PRKCE: variants seen among roughly 807,000 people sequenced by gnomAD.
PRKCE encodes protein kinase C epsilon type.
In PRKCE, 16 loss-of-function variants were observed where a neutral mutation model predicts 85.4. The ratio of observed to expected loss-of-function variants is 0.19; its 90% CI spans 0.13 to 0.28. PRKCE has a LOEUF of 0.28. Ranked by LOEUF, PRKCE falls within the 10% of genes least tolerant of loss-of-function variation. The probability of loss-of-function intolerance (pLI) is 1.00; values close to 1 mark genes in which losing one functional copy is unlikely to be tolerated. For missense variants in PRKCE, 573 were observed against 975.2 expected, an observed-to-expected ratio of 0.59 and a Z score of 5.49; for synonymous variants, 388 against 371.5, an observed-to-expected ratio of 1.04 and a Z score of -0.51.
intron 1 of PRKCE, among the ~76,000 whole-genome samples, chr2:45,800,150 G>A (rs573831166): frequency 8.5e-5 from 13 of 152,332 alleles, no homozygotes; most frequent in Admixed American, 2.6e-4. Context: ...AGTGCCCAGC[G>A]GCTGGATACT....
At chr2:45,891,575 C>A (rs997155077) in intron 2 of PRKCE, among the ~76,000 whole-genome samples, 3 of 152,204 alleles carry the variant, frequency 2.0e-5, no homozygotes, top group Non-Finnish European at 4.4e-5. Context: ...GTGGGCCACA[C>A]ACCTAAACAG....
Position 45,895,187 on chromosome 2 carries a change from G to A in PRKCE, c.412+52124G>A, listed in dbSNP as rs1286422695. ...AGGAAGGAAGTTTTTTTCAGGCGGAGTGGGTTGGATGAGGCACATGTTTCT... is the reference window on the plus strand; with the variant it reads ...AGGAAGGAAGTTTTTTTCAGGCGGAATGGGTTGGATGAGGCACATGTTTCT... On this transcript the variant is annotated intron_variant, in intron 2 of 14. Transcript: ENST00000306156. The surrounding 1 kb of genome is among the most constrained non-coding windows in gnomAD (Gnocchi z 4.8). Among the ~76,000 whole-genome samples the A allele has an allele frequency of 6.6e-6, 1 of 152,102 alleles. No homozygotes were observed.
intron 10 of PRKCE, among the ~76,000 whole-genome samples, chr2:46,083,145 T>A (rs926371147): frequency 6.6e-6 from 1 of 152,176 alleles, no homozygotes; most frequent in Non-Finnish European, 1.5e-5. Context: ...TAGACAGGGT[T>A]TCGCCATGTT....
intron 11 of PRKCE, among the ~76,000 whole-genome samples, chr2:46,117,333 A>G (rs556000128): frequency 6.6e-6 from 1 of 152,328 alleles, no homozygotes; most frequent in African/African-American, 2.4e-5. Flanking sequence ...ATTTGACTAC[A>G]TAGTCTCTTT....
rs1708205769 is a variant in PRKCE, at chr2:46,041,378, A to G, written c.1437+30861A>G. Among the ~76,000 whole-genome samples the G allele has an allele frequency of 6.6e-6, 1 of 152,246 alleles. No homozygotes were observed. The highest frequency in any genetic ancestry group is 2.4e-5 in the African/African-American group (1 of 41,466). On this transcript the variant is annotated intron_variant, in intron 10 of 14. Transcript: ENST00000306156. The surrounding 1 kb of genome is among the most constrained non-coding windows in gnomAD (Gnocchi z 5.5). ...TGATTTTCTTAAGTCATGTATATTTATAGAGCCACATACACCTGTTAGACA... is the reference window on the plus strand; with the variant it reads ...TGATTTTCTTAAGTCATGTATATTTGTAGAGCCACATACACCTGTTAGACA...
intron 2 of PRKCE, among the ~76,000 whole-genome samples, chr2:45,873,252 G>T (rs1410647474): frequency 6.6e-6 from 1 of 152,174 alleles, no homozygotes; most frequent in Non-Finnish European, 1.5e-5. Context: ...GGTAAAGCAG[G>T]AAGACCAGAA....
At chr2:45,749,038 C>A (rs981433927) in intron 1 of PRKCE, among the ~76,000 whole-genome samples, 1 of 152,106 alleles carries the variant, frequency 6.6e-6, no homozygotes, top group African/African-American at 2.4e-5. Flanking sequence ...TATAGGCATG[C>A]ACCACCATGC....
intron 1 of PRKCE, among the ~76,000 whole-genome samples, chr2:45,784,643 TAAAC>T (rs1294266923): frequency 6.6e-6 from 1 of 152,164 alleles, no homozygotes; most frequent in Non-Finnish European, 1.5e-5. Flanking sequence ...TGTTTTTTTT[TAAAC>T]AAACCTTTTT....
At chr2:45,668,130 C>T (rs140924213) in intron 1 of PRKCE, among the ~76,000 whole-genome samples, 2,230 of 152,246 alleles carry the variant, frequency 0.015, 28 homozygotes, top group Non-Finnish European at 0.021. Flanking sequence ...CACTTGAGGT[C>T]AGGAGTTCGA....
chr2:45,826,618 A>C (rs1290420743), intron 1 of PRKCE, among the ~76,000 whole-genome samples: 1 of 152,048 alleles, frequency 6.6e-6, no homozygotes, highest in Non-Finnish European at 1.5e-5. Flanking sequence ...CGAACTTCAG[A>C]TCTGTAGATG....
At chr2:45,845,765 G>GT (rs1691737739) in intron 2 of PRKCE, 1 of 152,174 alleles carries the variant, frequency 6.6e-6, no homozygotes, top group African/African-American at 2.4e-5. Flanking sequence ...TGCATGTCCT[G>GT]TGCAGTTCAC....
chr2:46,160,525 T>G (rs1235969552), intron 14 of PRKCE, among the ~76,000 whole-genome samples: 1 of 152,210 alleles, frequency 6.6e-6, no homozygotes, highest in African/African-American at 2.4e-5. Context: ...GTTGAAGCAA[T>G]CAATCATTCA....
At chr2:46,166,482 C>T (rs901020176) in intron 14 of PRKCE, among the ~76,000 whole-genome samples, 2 of 152,206 alleles carry the variant, frequency 1.3e-5, no homozygotes, top group African/African-American at 4.8e-5. Flanking sequence ...GGGAAAAGTC[C>T]AGAAACCTGT....
intron 14 of PRKCE, among the ~76,000 whole-genome samples, chr2:46,162,825 G>A (rs1012626803): frequency 3.3e-5 from 5 of 152,180 alleles, no homozygotes; most frequent in Non-Finnish European, 7.3e-5. Flanking sequence ...AAAAATAAAC[G>A]AGAGTGGTCC....
chr2:45,884,981 A>T (rs1367754471), intron 2 of PRKCE, among the ~76,000 whole-genome samples: 14,219 of 84,220 alleles, frequency 0.17, 2,354 homozygotes, highest in East Asian at 0.67. Flanking sequence ...ATATATATAT[A>T]TATATATATA....
intron 1 of PRKCE, chr2:45,701,490 A>G (rs1443193645): frequency 6.6e-6 from 1 of 152,194 alleles, no homozygotes; most frequent in Non-Finnish European, 1.5e-5. Context: ...TTTAAAATGC[A>G]GGTGGGTAAC....
chr2:45,745,119 T>A (rs1683033227), intron 1 of PRKCE, among the ~76,000 whole-genome samples: 1 of 152,262 alleles, frequency 6.6e-6, no homozygotes, highest in Middle Eastern at 3.4e-3. Flanking sequence ...CAGGGAAGGC[T>A]GTTTTCTGGG....
rs1031680192 is a variant in PRKCE at position 46,173,087 on chromosome 2, C to T, written c.2068-11648C>T. 5.3e-5 allele frequency among the ~76,000 whole-genome samples: 8 copies of T among 152,242 alleles called. No homozygotes were observed. The East Asian group carries it at 9.6e-4, about 18-fold the overall frequency. On this transcript the variant is annotated intron_variant, in intron 14 of 14. Transcript: ENST00000306156. ...AGCCATCCTTTGAGGCAGGGGTCTG[C>T]GAACTGCAGCCCAGGGCCAAATCCA...
chr2:45,661,532 T>G (rs1350776120), intron 1 of PRKCE, among the ~76,000 whole-genome samples: 3 of 126,056 alleles, frequency 2.4e-5, no homozygotes, highest in Non-Finnish European at 3.3e-5. Context: ...TGTTTTTTGT[T>G]TTTTTTTTTT....
Sources: allele counts gnomAD v4.1 joint callset (sites outside exome capture counted in the v4.1 genomes callset), GRCh38; gene constraint gnomAD v4.1.1; non-coding constraint Gnocchi (gnomAD v3.1); transcripts MANE v1.5; gene names NCBI Gene and HGNC (gene_info 2026-07-23, HGNC 2026-07-21).